MED13L: variants seen among roughly 807,000 people sequenced by gnomAD.
MED13L encodes mediator complex subunit 13L.
Under a neutral mutation model 220.9 loss-of-function variants are expected in MED13L, and 7 were observed. That is an observed-to-expected ratio of 0.03 (90% CI 0.02 to 0.06). The LOEUF (loss-of-function observed/expected upper bound fraction) is 0.06, where lower values mean the gene tolerates loss of function less well. Ranked by LOEUF, MED13L falls within the 10% of genes least tolerant of loss-of-function variation. The pLI is 1.00. For missense variants in MED13L, 1,965 were observed against 2,760.5 expected, an observed-to-expected ratio of 0.71 and a Z score of 6.46; for synonymous variants, 1,011 against 1,015.2, an observed-to-expected ratio of 1.00 and a Z score of 0.08.
chr12:115,967,195 A>AAC (rs1876238311), intron 28 of MED13L, among the ~76,000 whole-genome samples: 1 of 151,434 alleles, frequency 6.6e-6, no homozygotes, highest in Admixed American at 6.6e-5. Flanking sequence ...AAAAAAAAAA[A>AAC]ACCTTCTGTT....
intron 4 of MED13L, among the ~76,000 whole-genome samples, chr12:116,053,234 G>GTAAAATA (rs1157379231): frequency 1.9e-4 from 29 of 152,114 alleles, no homozygotes; most frequent in Non-Finnish European, 3.5e-4. Flanking sequence ...AAAAACATGA[G>GTAAAATA]TAAAACATAA....
chr12:116,227,763 T>C (rs1313051629), intron 2 of MED13L, among the ~76,000 whole-genome samples: 1 of 152,084 alleles, frequency 6.6e-6, no homozygotes, highest in East Asian at 1.9e-4. Flanking sequence ...AACCCTACAA[T>C]GGCCATTAAA....
chr12:116,184,758 ATTAACTAT>A (rs1198860793), intron 2 of MED13L, among the ~76,000 whole-genome samples: 1 of 152,226 alleles, frequency 6.6e-6, no homozygotes, highest in African/African-American at 2.4e-5. Flanking sequence ...TCTAAAAACC[ATTAACTAT>A]TTATCACTTG....
intron 12 of MED13L, 84 bp downstream of exon 12, chr12:116,006,222 G>C (rs1016940832): frequency 7.4e-7 from 1 of 1,353,586 alleles, no homozygotes; most frequent in African/African-American, 1.4e-5. Context: ...ATTACAATAA[G>C]AATAAAATTT....
At chr12:116,218,790 G>A (rs1883150534) in intron 2 of MED13L, among the ~76,000 whole-genome samples, 1 of 151,830 alleles carries the variant, frequency 6.6e-6, no homozygotes, top group Admixed American at 6.6e-5. Flanking sequence ...CTGGAGTGCA[G>A]TGGTGCAATC....
Position 115,964,705 on chromosome 12 carries a change from C to A in MED13L, c.6388-1186G>T, listed in dbSNP as rs150892732. ...TATCCCTGGACAACAGAGCTGCCCC[C>A]TAAGATGGCTCCTGAGGCCCTGCTG... On this transcript the variant is annotated intron_variant, in intron 29 of 30. Coordinates refer to ENST00000281928, the MANE Select transcript of MED13L (RefSeq NM_015335.5). Among the ~76,000 whole-genome samples, 520 of 152,218 alleles carry A rather than the reference C, an allele frequency of 3.4e-3. 5 individuals are homozygous for A. The highest frequency in any genetic ancestry group is 0.02 in the Middle Eastern group (6 of 294).
chr12:116,086,073 C>A (rs1204127452), intron 4 of MED13L, among the ~76,000 whole-genome samples: 2 of 152,212 alleles, frequency 1.3e-5, no homozygotes, highest in Non-Finnish European at 1.5e-5. Context: ...ACAATTGACA[C>A]CACATTATGT....
At chr12:116,038,744 C>CAAAAAAAAAAAAAAAAAAAAAAAA (rs63703461) in intron 4 of MED13L, among the ~76,000 whole-genome samples, 4 of 75,262 alleles carry the variant, frequency 5.3e-5, no homozygotes, top group African/African-American at 1.8e-4. Flanking sequence ...GTCAAAAGGC[C>CAAAAAAAAAAAAAAAAAAAAAAAA]AAAAAAAAAA....
rs2137177236 is a variant in MED13L at position 115,959,793 on chromosome 12, G to GA, written c.*1472dup. Reference sequence around the variant, plus strand: ...TGTTTTAAACTTTAGATTATTTCAAGAAAAATACTTTTACAAAATCATATC... The same window carrying GA: ...TGTTTTAAACTTTAGATTATTTCAAGAAAAAATACTTTTACAAAATCATATC... On this transcript the variant is annotated 3_prime_UTR_variant, in exon 31 of 31. Coordinates refer to ENST00000281928, the MANE Select transcript of MED13L (RefSeq NM_015335.5). The GA allele has an allele frequency of 6.6e-6, 1 of 152,476 alleles. No homozygotes were observed. The highest frequency in any genetic ancestry group is 1.9e-4 in the East Asian group (1 of 5,178). The allele number at this position is 152,476 out of a possible 1,614,324, so 9.4% of individuals were successfully genotyped here. A position where few individuals can be genotyped will look rare whatever the true frequency, so the allele number is the denominator to read the frequency against.
intron 2 of MED13L, among the ~76,000 whole-genome samples, chr12:116,126,585 G>A (rs1184372988): frequency 1.3e-5 from 2 of 152,058 alleles, no homozygotes; most frequent in African/African-American, 4.8e-5. Context: ...CACTTGAAAA[G>A]GTATTACAAA....
At chr12:116,144,136 C>G (rs1331374312) in intron 2 of MED13L, among the ~76,000 whole-genome samples, 1 of 152,170 alleles carries the variant, frequency 6.6e-6, no homozygotes, top group Non-Finnish European at 1.5e-5. Flanking sequence ...TTTCACTGCC[C>G]CAACAGCTTA....
Position 115,964,135 on chromosome 12 carries a change from A to G in MED13L, c.6388-616T>C, listed in dbSNP as rs530455356. Among the ~76,000 whole-genome samples the G allele has an allele frequency of 3.3e-5, 5 of 152,244 alleles. No individual in the cohort carries two copies. The East Asian group carries it at 9.6e-4, about 29-fold the overall frequency. On this transcript the variant is annotated intron_variant, in intron 29 of 30. Coordinates refer to ENST00000281928, the MANE Select transcript of MED13L (RefSeq NM_015335.5). The stretch of plus-strand genomic sequence containing the variant: ...AACCCCCAAAAAACCCTCCCCACAA[A>G]AAAACAAATATTGTATTATTTTGCT...
chr12:116,255,812 C>T (rs2138536417), intron 1 of MED13L, among the ~76,000 whole-genome samples: 1 of 152,330 alleles, frequency 6.6e-6, no homozygotes, highest in South Asian at 2.1e-4. Context: ...TAAGTTACTA[C>T]ATACTGCACA....
In MED13L at chr12:116,247,600, G is replaced by A. The variant is rs1004186185; in HGVS notation, c.73-9895C>T. Among the ~76,000 whole-genome samples, 91 of 150,906 alleles carry A rather than the reference G, an allele frequency of 6.0e-4. 1 individual carries two copies. Among genetic ancestry groups the A allele is most frequent in the African/African-American group, 2.0e-3 (83 of 40,996 alleles). ...AGATGGGCTGCTGACGAGACACTGG[G>A]CCTCCCATCTGACTGGTTATTTCCA... On this transcript the variant is annotated intron_variant, in intron 1 of 30. Transcript: ENST00000281928.
chr12:116,005,956 G>A lies in MED13L; in HGVS notation c.2382C>T (p.Ser794=). The change falls in exon 13 of 31, where the codon TCC becomes TCT. Residue 794 remains serine (S), a synonymous_variant. Coordinates refer to ENST00000281928, the MANE Select transcript of MED13L (RefSeq NM_015335.5). The stretch of plus-strand genomic sequence containing the variant: ...AATCTGTTACCTGTGTAAGGCTACT[G>A]GAGCCAGCTCTGCCAGCAGCATTAT... ...RQDNAAGRAG[S]SSLTQVTDLA... 2 of 1,613,964 alleles carry A rather than the reference G, an allele frequency of 1.2e-6. No individual in the cohort carries two copies. Among genetic ancestry groups the A allele is most frequent in the Non-Finnish European group, 1.7e-6 (2 of 1,179,882 alleles).
chr12:116,051,112 G>A lies in MED13L; in HGVS notation c.480-28511C>T, dbSNP rs541348751. On this transcript the variant is annotated intron_variant, in intron 4 of 30. Transcript: ENST00000281928. Reference sequence around the variant, plus strand: ...TTACAAGTCAAATCCTAAGGAAATGGGTTGTTTATAGATTATCATACATCA... The same window carrying A: ...TTACAAGTCAAATCCTAAGGAAATGAGTTGTTTATAGATTATCATACATCA... 4.5e-4 allele frequency among the ~76,000 whole-genome samples: 68 copies of A among 151,768 alleles called. 2 individuals are homozygous for A. In the South Asian group the frequency reaches 0.014, roughly 31 times the overall value.
chr12:116,091,127 A>G (rs1436568563), intron 4 of MED13L, among the ~76,000 whole-genome samples: 2 of 151,334 alleles, frequency 1.3e-5, no homozygotes, highest in African/African-American at 4.8e-5. Flanking sequence ...TCTCAAAAAA[A>G]AAAAAAAAAA....
At chr12:116,027,202 C>T (rs573181196) in intron 4 of MED13L, among the ~76,000 whole-genome samples, 1 of 152,112 alleles carries the variant, frequency 6.6e-6, no homozygotes, top group Non-Finnish European at 1.5e-5. Context: ...TTGGGCAGAT[C>T]GCTGAGCTCA....
At chr12:116,239,998 T>C (rs944196918) in intron 1 of MED13L, among the ~76,000 whole-genome samples, 3 of 152,204 alleles carry the variant, frequency 2.0e-5, no homozygotes, top group Non-Finnish European at 2.9e-5. Context: ...AAAGACAGTG[T>C]CTGGGACATA....
Sources: gnomAD v4.1 joint callset for allele counts (sites outside exome capture counted in the v4.1 genomes callset) on GRCh38, gnomAD v4.1.1 for gene constraint, MANE v1.5 for transcripts, NCBI Gene and HGNC (gene_info 2026-07-23, HGNC 2026-07-21) for gene names.